The following TMEM243 variants were observed in gnomAD, a reference collection of about 807,000 sequenced individuals.
The protein encoded by TMEM243 is MDR1 and mitochondrial taxol resistance associated.
TMEM243 carries 20 observed loss-of-function variants against 15.0 expected under a neutral mutation model. That is an observed-to-expected ratio of 1.33 (90% CI 0.94 to 1.93). The LOEUF (loss-of-function observed/expected upper bound fraction) is 1.93, where lower values mean the gene tolerates loss of function less well. Ranked by LOEUF, TMEM243 falls within the 30% of genes most tolerant of loss-of-function variation. TMEM243 has a pLI of 0.00. For synonymous variants in TMEM243, 72 were observed against 52.7 expected, an observed-to-expected ratio of 1.37 and a Z score of -1.59; for missense variants, 156 against 142.1, an observed-to-expected ratio of 1.10 and a Z score of -0.50.
At chr7:87,201,268 T>C (rs998025064) in intron 1 of TMEM243, among the ~76,000 whole-genome samples, 19 of 152,194 alleles carry the variant, frequency 1.2e-4, no homozygotes, top group Non-Finnish European at 5.9e-5. Context: ...CTTCTAATGC[T>C]CTCTGTTTTA....
intron 1 of TMEM243, among the ~76,000 whole-genome samples, chr7:87,217,849 T>C (rs907478772): frequency 2.0e-5 from 3 of 152,240 alleles, no homozygotes; most frequent in Admixed American, 6.5e-5. Flanking sequence ...ACTGAAATCA[T>C]TGGACGTTTT....
intron 1 of TMEM243, among the ~76,000 whole-genome samples, chr7:87,209,713 A>AGACACAGTGAGAGC (rs1221969797): frequency 2.7e-5 from 4 of 146,736 alleles, no homozygotes; most frequent in Admixed American, 6.7e-5. Context: ...AGTGAGAGCG[A>AGACACAGTGAGAGC]GACACAGTGA....
intron 1 of TMEM243, among the ~76,000 whole-genome samples, chr7:87,209,549 AAT>A (rs1388537126): frequency 5.4e-3 from 128 of 23,512 alleles, no homozygotes; most frequent in African/African-American, 0.014. Flanking sequence ...AGTGAGAGAC[AAT>A]GAGAGAGACA....
intron 1 of TMEM243, among the ~76,000 whole-genome samples, chr7:87,201,776 GCT>G (rs534676801): frequency 8.5e-5 from 13 of 152,132 alleles, no homozygotes; most frequent in Non-Finnish European, 1.3e-4. Context: ...ACAGAAACTA[GCT>G]CTGTCTCCTC....
intron 1 of TMEM243, among the ~76,000 whole-genome samples, chr7:87,217,344 C>T (rs1803185318): frequency 6.6e-6 from 1 of 152,202 alleles, no homozygotes; most frequent in Non-Finnish European, 1.5e-5. Context: ...GGATGGGTTT[C>T]TCAGTGTCCC....
In TMEM243 at chr7:87,199,046, G is replaced by C; in HGVS notation, c.90C>G (p.Ile30Met). The C allele has an allele frequency of 5.6e-6, 9 of 1,606,006 alleles. No individual in the cohort carries two copies. The highest frequency in any genetic ancestry group is 7.6e-6 in the Non-Finnish European group (9 of 1,177,284). Residue 30 changes from isoleucine (I) to methionine (M), a missense_variant, in exon 2 of 4, where the codon ATC (isoleucine) becomes ATG (methionine). Ile to Met is a conservative substitution (Grantham distance 10). Coordinates refer to ENST00000257637, the MANE Select transcript of TMEM243 (RefSeq NM_024315.4). ...FGETSAKDRI[I>M]NLVVGSLTSL... is the part of the protein sequence containing the mutation. ...ATGTTAAGCTGCCAACAACTAAATTGATGATTCGATCCTGAAAGAGAAAAG... is the reference window on the plus strand; with the variant it reads ...ATGTTAAGCTGCCAACAACTAAATTCATGATTCGATCCTGAAAGAGAAAAG...
At chr7:87,220,516 C>G (rs1584565362), upstream of TMEM243, 1 of 152,308 alleles carries the variant, frequency 6.6e-6, no homozygotes, top group Non-Finnish European at 1.5e-5. Flanking sequence ...CGCAGCGCTG[C>G]GGATCACCTC....
intron 1 of TMEM243, among the ~76,000 whole-genome samples, chr7:87,206,528 G>GT (rs982538908): frequency 1.3e-5 from 2 of 152,188 alleles, no homozygotes; most frequent in Non-Finnish European, 2.9e-5. Flanking sequence ...TATACATACT[G>GT]TTTTTTCAAT....
intron 1 of TMEM243, among the ~76,000 whole-genome samples, chr7:87,216,415 C>T (rs1803127742): frequency 1.3e-5 from 2 of 152,046 alleles, no homozygotes; most frequent in Admixed American, 6.6e-5. Context: ...CACTGCACTC[C>T]GATATGAGTT....
At chr7:87,204,291 C>CA (rs1316578261) in intron 1 of TMEM243, among the ~76,000 whole-genome samples, 1 of 152,146 alleles carries the variant, frequency 6.6e-6, no homozygotes, top group Non-Finnish European at 1.5e-5. Context: ...TGGGTGGAGA[C>CA]ACGGCCAAAC....
intron 1 of TMEM243, among the ~76,000 whole-genome samples, chr7:87,200,635 G>T (rs558899764): frequency 6.6e-6 from 1 of 152,104 alleles, no homozygotes; most frequent in South Asian, 2.1e-4. Flanking sequence ...AATGGTAAAA[G>T]GATATTAACT....
intron 1 of TMEM243, among the ~76,000 whole-genome samples, chr7:87,209,684 C>CAGTGAGAGAGCGTGACACAGTGAG (rs1554365988): frequency 1.4e-5 from 1 of 73,194 alleles, no homozygotes; most frequent in South Asian, 5.1e-4. Context: ...GAGCGAGACA[C>CAGTGAGAGAGCGTGACACAGTGAG]AGCGAGAGAG....
chr7:87,198,710 G>A (rs1177671915), intron 2 of TMEM243: 3 of 435,620 alleles, frequency 6.9e-6, no homozygotes, highest in Non-Finnish European at 1.2e-5. Flanking sequence ...TAGAAATGGG[G>A]AATTATGGTA....
chr7:87,214,012 A>T (rs1341480815), intron 1 of TMEM243, among the ~76,000 whole-genome samples: 2 of 152,218 alleles, frequency 1.3e-5, no homozygotes, highest in Non-Finnish European at 2.9e-5. Context: ...TTCTTAGAGG[A>T]TGAGTCACTT....
intron 1 of TMEM243, chr7:87,199,493 T>C (rs1801626218): frequency 6.4e-6 from 1 of 156,334 alleles, no homozygotes; most frequent in African/African-American, 2.4e-5. Context: ...ACAGCTTAGG[T>C]ATCCTTGTCT....
chr7:87,200,288 G>T (rs1393917431), intron 1 of TMEM243, among the ~76,000 whole-genome samples: 1 of 152,126 alleles, frequency 6.6e-6, no homozygotes, highest in Non-Finnish European at 1.5e-5. Flanking sequence ...ACTCAGAAGA[G>T]ATCTTACCAC....
chr7:87,216,585 C>A (rs192651223), intron 1 of TMEM243, among the ~76,000 whole-genome samples: 1 of 152,268 alleles, frequency 6.6e-6, no homozygotes, highest in African/African-American at 2.4e-5. Context: ...AAAGATTGAA[C>A]AAATTTCAGT....
At chr7:87,203,433 T>C (rs1256300350) in intron 1 of TMEM243, among the ~76,000 whole-genome samples, 6 of 151,840 alleles carry the variant, frequency 4.0e-5, no homozygotes, top group East Asian at 1.9e-4. Context: ...AGAAAAATAC[T>C]GAGACCTTGT....
chr7:87,209,750 C>CAGTGAGAGCGAGACACAGTG (rs1222131365), intron 1 of TMEM243, among the ~76,000 whole-genome samples: 3 of 26,116 alleles, frequency 1.1e-4, no homozygotes, highest in East Asian at 9.3e-4. Flanking sequence ...GAGCGAGACA[C>CAGTGAGAGCGAGACACAGTG]AGAGCGAGAC....
Sources: gnomAD v4.1 joint callset for allele counts (sites outside exome capture counted in the v4.1 genomes callset) on GRCh38, gnomAD v4.1.1 for gene constraint, MANE v1.5 for transcripts, NCBI Gene and HGNC (gene_info 2026-07-23, HGNC 2026-07-21) for gene names.